The following MEIG1 variants were observed in gnomAD, a reference collection of about 807,000 sequenced individuals.
The protein encoded by MEIG1 is meiosis/spermiogenesis associated 1.
A neutral mutation model predicts 11.3 loss-of-function variants in MEIG1; 12 were observed. The ratio of observed to expected loss-of-function variants is 1.07; its 90% CI spans 0.68 to 1.73. MEIG1 has a LOEUF of 1.73. MEIG1 is among the 40% of genes most tolerant of loss of function. The pLI, the probability that MEIG1 is intolerant of heterozygous loss-of-function variation, is 0.00. For synonymous variants in MEIG1, 41 were observed against 33.2 expected, an observed-to-expected ratio of 1.24 and a Z score of -0.81; for missense variants, 119 against 104.9, an observed-to-expected ratio of 1.13 and a Z score of -0.59.
At chr10:14,968,285 T>C (rs1249496370) in intron 2 of MEIG1, among the ~76,000 whole-genome samples, 1 of 152,042 alleles carries the variant, frequency 6.6e-6, no homozygotes, top group African/African-American at 2.4e-5. Flanking sequence ...GTAATGAGTT[T>C]GAGACCAGCC....
At chr10:14,959,861 GA>G (rs1256820786) in intron 1 of MEIG1, among the ~76,000 whole-genome samples, 1 of 152,226 alleles carries the variant, frequency 6.6e-6, no homozygotes, top group African/African-American at 2.4e-5. Flanking sequence ...CTAGATTTTG[GA>G]ATACTGTGTT....
chr10:14,954,837 C>G (rs974937409), upstream of MEIG1, among the ~76,000 whole-genome samples: 1 of 152,146 alleles, frequency 6.6e-6, no homozygotes, highest in African/African-American at 2.4e-5. Context: ...TATTGTATTA[C>G]AATAAACCAA....
At chr10:14,977,203 A>C (rs74123219), downstream of MEIG1, among the ~76,000 whole-genome samples, 1,448 of 152,102 alleles carry the variant, frequency 9.5e-3, 27 homozygotes, top group African/African-American at 0.033. Flanking sequence ...TTGGCACAGA[A>C]GATAACACCC....
intron 1 of MEIG1, among the ~76,000 whole-genome samples, chr10:14,985,906 C>T (rs556275594): frequency 4.6e-5 from 7 of 151,994 alleles, no homozygotes; most frequent in African/African-American, 1.2e-4. Flanking sequence ...GCGTGTACCC[C>T]GGGTGTGTAC....
chr10:14,954,449 T>C (rs1398969827), upstream of MEIG1: 3 of 297,320 alleles, frequency 1.0e-5, no homozygotes, highest in African/African-American at 4.3e-5. Context: ...GCTTGTCTGC[T>C]GCTAGCCTGA....
intron 1 of MEIG1, among the ~76,000 whole-genome samples, chr10:14,985,904 C>A: frequency 6.6e-6 from 1 of 151,820 alleles, no homozygotes; most frequent in Non-Finnish European, 1.5e-5. Context: ...GTGCGTGTAC[C>A]CCGGGTGTGT....
chr10:14,973,769 C>CA (rs59507280), downstream of MEIG1, among the ~76,000 whole-genome samples: 1,087 of 90,412 alleles, frequency 0.012, 35 homozygotes, highest in Middle Eastern at 0.056. Flanking sequence ...GACTCCATCT[C>CA]AAAAAAAAAA....
chr10:14,962,898 G>A (rs1843031846), intron 1 of MEIG1, among the ~76,000 whole-genome samples: 1 of 151,764 alleles, frequency 6.6e-6, no homozygotes, highest in African/African-American at 2.4e-5. Context: ...TGATTAGCTG[G>A]AATTACAGGC....
At chr10:14,976,368 C>A (rs1843210306), downstream of MEIG1, among the ~76,000 whole-genome samples, 1 of 152,082 alleles carries the variant, frequency 6.6e-6, no homozygotes, top group Non-Finnish European at 1.5e-5. Flanking sequence ...CCTAGCGGGA[C>A]ATTAAGAATA....
chr10:14,984,627 T>G (rs185090034), intron 1 of MEIG1, among the ~76,000 whole-genome samples: 11 of 152,176 alleles, frequency 7.2e-5, no homozygotes, highest in Admixed American at 3.3e-4. Flanking sequence ...GTCACAGGGT[T>G]TGTACACCTT....
At chr10:14,984,882 C>T (rs1326470118) in intron 1 of MEIG1, among the ~76,000 whole-genome samples, 1 of 151,682 alleles carries the variant, frequency 6.6e-6, no homozygotes, top group Admixed American at 6.6e-5. Context: ...AGGTCCTGTA[C>T]ACGCTTCAAT....
intron 1 of MEIG1, among the ~76,000 whole-genome samples, chr10:14,960,517 C>G (rs1321544542): frequency 6.6e-6 from 1 of 152,086 alleles, no homozygotes; most frequent in African/African-American, 2.4e-5. Context: ...CTCCCGGGTT[C>G]ACGCCATTCT....
intron 1 of MEIG1, among the ~76,000 whole-genome samples, chr10:14,963,119 A>G (rs1425987073): frequency 6.8e-6 from 1 of 147,274 alleles, no homozygotes; most frequent in African/African-American, 2.5e-5. Context: ...TAATTTAGAC[A>G]GAGTTTTGCT....
chr10:14,959,232 A>C (rs1842982017), upstream of MEIG1, among the ~76,000 whole-genome samples: 1 of 152,230 alleles, frequency 6.6e-6, no homozygotes, highest in East Asian at 1.9e-4. Flanking sequence ...GAGCCCTGGC[A>C]GCGCTCCTAC....
intron 1 of MEIG1, among the ~76,000 whole-genome samples, chr10:14,983,484 C>A (rs898376313): frequency 7.2e-5 from 11 of 151,872 alleles, no homozygotes; most frequent in Non-Finnish European, 1.5e-4. Context: ...CTGGGATATT[C>A]TTCCTAATAT....
At chr10:14,962,848 T>G (rs1254892813) in intron 1 of MEIG1, among the ~76,000 whole-genome samples, 1 of 151,482 alleles carries the variant, frequency 6.6e-6, no homozygotes, top group Non-Finnish European at 1.5e-5. Context: ...CACTGCAACC[T>G]CCATCTCCCA....
the MEIG1 span, chr10:14,954,247 C>G: frequency 1.6e-6 from 1 of 632,332 alleles, no homozygotes; most frequent in Non-Finnish European, 2.8e-6. Flanking sequence ...CGCGATGGGC[C>G]CTGAGCCCTG....
At chr10:14,961,704 C>T (rs192815849) in intron 1 of MEIG1, among the ~76,000 whole-genome samples, 5,446 of 143,366 alleles carry the variant, frequency 0.038, 177 homozygotes, top group Middle Eastern at 0.087. Flanking sequence ...GGTCTCGAAC[C>T]CTTGACCTCA....
At chr10:14,970,340 A>C (rs1406858521) in intron 2 of MEIG1, 1 of 152,242 alleles carries the variant, frequency 6.6e-6, no homozygotes, top group East Asian at 1.9e-4. Flanking sequence ...CAAAAGGAAA[A>C]ATGTCTAGAA....
Sources: gnomAD v4.1 joint callset for allele counts (sites outside exome capture counted in the v4.1 genomes callset) on GRCh38, gnomAD v4.1.1 for gene constraint, MANE v1.5 for transcripts, NCBI Gene and HGNC (gene_info 2026-07-23, HGNC 2026-07-21) for gene names.